The following NUP214 variants were observed in gnomAD, a reference collection of about 807,000 sequenced individuals.
NUP214 encodes nuclear pore complex protein Nup214.
In NUP214, 79 loss-of-function variants were observed where a neutral mutation model predicts 196.2. That is an observed-to-expected ratio of 0.40 (90% confidence interval 0.34 to 0.49). The LOEUF (loss-of-function observed/expected upper bound fraction) is 0.49. NUP214 is among the 20% of genes least tolerant of loss of function. NUP214 has a pLI of 0.58. For missense variants in NUP214, 2,468 were observed against 2,539.0 expected (o/e 0.97, Z 0.60); for synonymous variants, 1,020 against 990.5 (o/e 1.03, Z -0.56).
intron 31 of NUP214, 142 bp downstream of exon 31, chr9:131,215,510 T>G: frequency 1.1e-6 from 1 of 937,472 alleles, no homozygotes; most frequent in South Asian, 2.8e-5. Flanking sequence ...CAAAGCAGTG[T>G]GATCTGTTTT....
intron 30 of NUP214, 38 bp downstream of exon 30, chr9:131,201,755 T>C: frequency 1.3e-6 from 2 of 1,528,592 alleles, no homozygotes; most frequent in Non-Finnish European, 1.8e-6. Context: ...TCAACATGTA[T>C]CAAACCCATT....
At chr9:131,159,561 C>T in intron 18 of NUP214, 75 bp downstream of exon 18, 1 of 1,277,032 alleles carries the variant, frequency 7.8e-7, no homozygotes, top group East Asian at 2.5e-5. Flanking sequence ...TATTTAGGAA[C>T]ATATGAAAAT....
At chr9:131,231,029 G>A (rs549753895) in intron 34 of NUP214, among the ~76,000 whole-genome samples, 1 of 152,198 alleles carries the variant, frequency 6.6e-6, no homozygotes, top group South Asian at 2.1e-4. Flanking sequence ...AGACATGGTG[G>A]CACACACCTG....
chr9:131,172,107 T>C (rs1276662727), intron 21 of NUP214, among the ~76,000 whole-genome samples: 1 of 150,968 alleles, frequency 6.6e-6, no homozygotes, highest in East Asian at 1.9e-4. Context: ...TTTCTAGTTC[T>C]AGATCCCTGA....
At chr9:131,222,256 C>T (rs574434179) in intron 31 of NUP214, among the ~76,000 whole-genome samples, 8 of 152,316 alleles carry the variant, frequency 5.3e-5, no homozygotes, top group African/African-American at 1.9e-4. Context: ...CAGCCATAAG[C>T]ATGCTGAACT....
intron 30 of NUP214, among the ~76,000 whole-genome samples, chr9:131,213,893 A>C (rs1834319684): frequency 6.6e-6 from 1 of 152,152 alleles, no homozygotes; most frequent in Admixed American, 6.5e-5. Flanking sequence ...GATATGTGTG[A>C]CTGCCCTGAG....
chr9:131,208,142 G>T lies in NUP214; in HGVS notation c.5592+6425G>T, dbSNP rs377035856. 2.1e-4 allele frequency among the ~76,000 whole-genome samples: 32 copies of T among 152,316 alleles called. No individual in the cohort carries two copies. The East Asian group carries it at 5.4e-3, about 26-fold the overall frequency. On this transcript the variant is annotated intron_variant, in intron 30 of 35. Transcript: ENST00000359428. ...ACATTGCTGATGGGAATGCAAAATT[G>T]TGCAGCTACTATAGTTTGGTGGTTT...
chr9:131,130,628 A>T (rs1048946221), intron 4 of NUP214, 138 bp from the exon 5 acceptor site: 3 of 743,492 alleles, frequency 4.0e-6, no homozygotes, highest in East Asian at 2.6e-5. Flanking sequence ...ACTTTTTTCC[A>T]CTTTGCCTGA....
Position 131,197,323 on chromosome 9 carries a change from A to G in NUP214, c.3829A>G (p.Ile1277Val), listed in dbSNP as rs1833814641. 1 of 1,614,078 alleles carries G rather than the reference A, an allele frequency of 6.2e-7. No homozygotes were observed. The highest frequency in any genetic ancestry group is 1.7e-5 in the Admixed American group (1 of 60,006). Residue 1277 changes from isoleucine (I) to valine (V), a missense_variant, in exon 29 of 36, where the codon ATC becomes GTC. By Grantham distance (29) the Ile-to-Val change is conservative. Transcript: ENST00000359428. ...AIPESSPPSG[I>V]TSASNTTPGE... ...TCCTGAAAGCTCACCTCCCTCAGGAATCACATCCGCATCAAACACCACCCC... is the reference window on the plus strand; with the variant it reads ...TCCTGAAAGCTCACCTCCCTCAGGAGTCACATCCGCATCAAACACCACCCC...
At position 131,234,353 on chromosome 9, in the gene NUP214, C is replaced by T. The variant is rs944355871; in HGVS notation, c.*866C>T. ...CTGTTGCCAGACAACACTAGCAGAA[C>T]GATGCTGGATTTGACAACAGTGTTT... On this transcript the variant is annotated 3_prime_UTR_variant, in exon 36 of 36. Transcript: ENST00000359428. The T allele has an allele frequency of 1.8e-4, 43 of 232,836 alleles. No homozygotes were observed. Among genetic ancestry groups the T allele is most frequent in the African/African-American group, 2.4e-4 (11 of 45,320 alleles). 14.4% of individuals were successfully genotyped at this position (232,836 alleles called of 1,614,324 possible). A position where few individuals can be genotyped will look rare whatever the true frequency, so the allele number is the denominator to read the frequency against.
chr9:131,176,749 C>T (rs995893164), intron 23 of NUP214, among the ~76,000 whole-genome samples: 55 of 152,266 alleles, frequency 3.6e-4, no homozygotes, highest in African/African-American at 9.9e-4. Context: ...CTACTTTCTA[C>T]GTTAATGTAC....
chr9:131,134,695 A>G (rs1831663091), intron 7 of NUP214, among the ~76,000 whole-genome samples: 2 of 152,198 alleles, frequency 1.3e-5, no homozygotes, highest in Non-Finnish European at 2.9e-5. Flanking sequence ...AAAGTGGCAG[A>G]ACAGAGTTTA....
At chr9:131,151,630 T>C in intron 16 of NUP214, 106 bp from the exon 17 acceptor site, 1 of 749,542 alleles carries the variant, frequency 1.3e-6, no homozygotes, top group Non-Finnish European at 2.2e-6. Context: ...GTTCAGATGT[T>C]CATTCTGTTC....
At chr9:131,226,844 A>C (rs1455247361) in intron 32 of NUP214, among the ~76,000 whole-genome samples, 1 of 152,232 alleles carries the variant, frequency 6.6e-6, no homozygotes, top group African/African-American at 2.4e-5. Context: ...ACAACTTTTC[A>C]TACCCAGGAT....
intron 33 of NUP214, chr9:131,229,234 T>A (rs1188442197): frequency 1.9e-5 from 3 of 157,598 alleles, no homozygotes; most frequent in Non-Finnish European, 4.2e-5. Flanking sequence ...ACCCTTCCCC[T>A]CCGTGCAAGA....
chr9:131,207,677 C>T (rs1044753653), intron 30 of NUP214, among the ~76,000 whole-genome samples: 2 of 152,212 alleles, frequency 1.3e-5, no homozygotes, highest in East Asian at 3.8e-4. Flanking sequence ...TCTAGAAGAG[C>T]ATATGTGACT....
intron 28 of NUP214, among the ~76,000 whole-genome samples, chr9:131,195,851 C>A (rs1833760308): frequency 6.6e-6 from 1 of 152,070 alleles, no homozygotes; most frequent in African/African-American, 2.4e-5. Context: ...CATGGAGAAA[C>A]CCCGTGTCTA....
intron 21 of NUP214, among the ~76,000 whole-genome samples, chr9:131,167,673 CTT>C (rs1028644023): frequency 5.9e-5 from 9 of 152,142 alleles, no homozygotes; most frequent in African/African-American, 2.2e-4. Context: ...TGGTAGGACT[CTT>C]TTGTAAAATG....
intron 23 of NUP214, 173 bp downstream of exon 23, chr9:131,175,794 A>G: frequency 1.0e-6 from 1 of 974,198 alleles, no homozygotes; most frequent in Non-Finnish European, 1.4e-6. Flanking sequence ...AGCAGAGACT[A>G]GGTCTGAAAA....
Sources: allele counts gnomAD v4.1 joint callset (sites outside exome capture counted in the v4.1 genomes callset), GRCh38; gene constraint gnomAD v4.1.1; transcripts MANE v1.5; gene names NCBI Gene and HGNC (gene_info 2026-07-23, HGNC 2026-07-21).